Variants in ARHGEF7 observed in about 807,000 individuals in gnomAD.
ARHGEF7 encodes PAK-interacting exchange factor beta.
Under a neutral mutation model 109.8 loss-of-function variants are expected in ARHGEF7, and 33 were observed. The ratio of observed to expected loss-of-function variants is 0.30; its 90% confidence interval spans 0.23 to 0.40. The LOEUF (loss-of-function observed/expected upper bound fraction) is 0.40, where lower values mean the gene tolerates loss of function less well. ARHGEF7 is among the 10% of genes least tolerant of loss of function. The pLI is 1.00. For synonymous variants in ARHGEF7, 458 were observed against 424.6 expected, an observed-to-expected ratio of 1.08 and a Z score of -0.97; for missense variants, 938 against 1,098.5, an observed-to-expected ratio of 0.85 and a Z score of 2.07.
At chr13:111,187,100 C>A in intron 2 of ARHGEF7, 2 of 802,664 alleles carry the variant, frequency 2.5e-6, no homozygotes, top group Non-Finnish European at 3.0e-6. Flanking sequence ...TGTCCTTTTG[C>A]GTGCATTTGT....
chr13:111,292,084 C>A, intron 18 of ARHGEF7, 34 bp from the exon 19 acceptor site: 1 of 1,592,834 alleles, frequency 6.3e-7, no homozygotes, highest in Non-Finnish European at 8.6e-7. Flanking sequence ...CACCCCCTGC[C>A]TGTCGCGCCT....
chr13:111,273,934 G>A lies in ARHGEF7; in HGVS notation c.1194G>A (p.Glu398=). The change falls in exon 10 of 22, where the codon GAG becomes GAA. Residue 398 remains glutamate (E), a synonymous_variant. Transcript: ENST00000646102. The surrounding 1 kb of genome is among the most constrained non-coding windows in gnomAD (Gnocchi z 4.5). ...ATAAATACCCTACGCTGCTCAAAGA[G>A]CTCGAGAGACACATGGAGGTACTGC... is the stretch of plus-strand genomic sequence containing the variant. ...RLDKYPTLLK[E]LERHMEDYHT... is the part of the protein sequence containing the mutation. The A allele has an allele frequency of 6.2e-7, 1 of 1,614,148 alleles. No individual in the cohort carries two copies. The highest frequency in any genetic ancestry group is 8.5e-7 in the Non-Finnish European group (1 of 1,180,012).
Position 111,244,247 on chromosome 13 carries a change from A to T in ARHGEF7, c.903A>T (p.Ile301=), listed in dbSNP as rs1358156911. ...ISYLMGNLEE[I]CSFQQMLVQS... ...ATTTAATGGGAAATCTAGAAGAAAT[A>T]TGTTCTTTCCAGCAAATGCTCGTAC... The change falls in exon 8 of 22, where the codon ATA becomes ATT. Residue 301 remains isoleucine (I), a synonymous_variant. Coordinates refer to ENST00000646102, the MANE Select transcript of ARHGEF7 (RefSeq NM_001354046.2). The T allele has an allele frequency of 1.2e-6, 2 of 1,609,976 alleles. No individual in the cohort carries two copies. The highest frequency in any genetic ancestry group is 1.7e-6 in the Non-Finnish European group (2 of 1,178,748).
At chr13:111,288,072 G>C (rs1406517901) in intron 17 of ARHGEF7, among the ~76,000 whole-genome samples, 1 of 152,170 alleles carries the variant, frequency 6.6e-6, no homozygotes, top group Non-Finnish European at 1.5e-5. Flanking sequence ...GTTTGAGAGT[G>C]GGGATACTAA....
At chr13:111,219,086 A>G (rs955155912) in intron 5 of ARHGEF7, among the ~76,000 whole-genome samples, 4 of 152,176 alleles carry the variant, frequency 2.6e-5, no homozygotes, top group Non-Finnish European at 5.9e-5. Context: ...AGCACTAGGT[A>G]CATTCACAGT....
chr13:111,222,724 C>A (rs932140857), intron 5 of ARHGEF7, among the ~76,000 whole-genome samples: 1 of 152,266 alleles, frequency 6.6e-6, no homozygotes, highest in Non-Finnish European at 1.5e-5. Context: ...CCACCACGCC[C>A]AGCCCAGTCT....
chr13:111,277,525 T>G, intron 12 of ARHGEF7, 62 bp from the exon 13 acceptor site: 2 of 1,006,954 alleles, frequency 2.0e-6, no homozygotes, highest in Non-Finnish European at 3.1e-6. Context: ...GAAGTATTTG[T>G]GCTCACATTT....
At chr13:111,162,385 AG>A (rs1864913635) in intron 2 of ARHGEF7, among the ~76,000 whole-genome samples, 1 of 152,254 alleles carries the variant, frequency 6.6e-6, no homozygotes, top group Admixed American at 6.5e-5. Context: ...TGGAAATAAA[AG>A]TTGAAAACCC....
chr13:111,245,154 A>C (rs2088580587), intron 8 of ARHGEF7, among the ~76,000 whole-genome samples: 1 of 152,154 alleles, frequency 6.6e-6, no homozygotes, highest in Non-Finnish European at 1.5e-5. Flanking sequence ...TAGTTTTCAA[A>C]GCATCTCATC....
chr13:111,234,583 G>C (rs2086544499), intron 6 of ARHGEF7, among the ~76,000 whole-genome samples: 1 of 152,010 alleles, frequency 6.6e-6, no homozygotes, highest in Non-Finnish European at 1.5e-5. Context: ...TTTGACATCT[G>C]TGCACCTTCT....
chr13:111,164,621 T>A (rs897362338), intron 2 of ARHGEF7, among the ~76,000 whole-genome samples: 2 of 152,240 alleles, frequency 1.3e-5, no homozygotes, highest in African/African-American at 4.8e-5. Context: ...CTGGTATTGT[T>A]CTTAGAGGTC....
chr13:111,237,178 C>A (rs72653538), intron 6 of ARHGEF7, among the ~76,000 whole-genome samples: 3,619 of 152,212 alleles, frequency 0.024, 74 homozygotes, highest in Middle Eastern at 0.11. Context: ...TAAGCCAGAT[C>A]ACAAGTTAAT....
intron 10 of ARHGEF7, 63 bp downstream of exon 10, chr13:111,274,015 A>C: frequency 6.4e-7 from 1 of 1,562,760 alleles, no homozygotes; most frequent in Non-Finnish European, 8.7e-7. Context: ...GGTCAGACTT[A>C]CTGTGAAAGA....
intron 2 of ARHGEF7, among the ~76,000 whole-genome samples, chr13:111,174,396 C>A (rs2077914064): frequency 6.6e-6 from 1 of 152,160 alleles, no homozygotes; most frequent in African/African-American, 2.4e-5. Flanking sequence ...GCTTTTTTCT[C>A]CCCCTTTGGT....
intron 2 of ARHGEF7, among the ~76,000 whole-genome samples, chr13:111,188,529 C>T (rs2079512399): frequency 6.6e-6 from 1 of 152,226 alleles, no homozygotes; most frequent in Admixed American, 6.5e-5. Context: ...AGAGGATCAG[C>T]AGCCGAGAGG....
At chr13:111,136,244 G>T (rs1298394593) in intron 1 of ARHGEF7, among the ~76,000 whole-genome samples, 12 of 152,062 alleles carry the variant, frequency 7.9e-5, no homozygotes, top group Admixed American at 7.2e-4. Flanking sequence ...CAGGGATATT[G>T]GTCTAAAATT....
At chr13:111,159,871 A>G (rs761977016) in intron 2 of ARHGEF7, among the ~76,000 whole-genome samples, 27 of 152,054 alleles carry the variant, frequency 1.8e-4, no homozygotes, top group Admixed American at 3.3e-4. Flanking sequence ...AATCCCATTT[A>G]TCTTATTTTT....
chr13:111,293,643 C>A, intron 19 of ARHGEF7: 2 of 985,344 alleles, frequency 2.0e-6, no homozygotes, highest in Non-Finnish European at 2.4e-6. Flanking sequence ...TAAAATGGAA[C>A]CTTACGGTTG....
chr13:111,236,525 C>T (rs1365590290), intron 6 of ARHGEF7, among the ~76,000 whole-genome samples: 2 of 152,216 alleles, frequency 1.3e-5, no homozygotes, highest in Non-Finnish European at 2.9e-5. Context: ...TCACCTAGAG[C>T]ACTTCTGTAG....
Sources: gnomAD v4.1 joint callset for allele counts (sites outside exome capture counted in the v4.1 genomes callset) on GRCh38, gnomAD v4.1.1 for gene constraint, Gnocchi (gnomAD v3.1) non-coding constraint, MANE v1.5 for transcripts, NCBI Gene and HGNC (gene_info 2026-07-23, HGNC 2026-07-21) for gene names.